The following FRMD1 variants were observed in gnomAD, a reference collection of about 807,000 sequenced individuals.
FRMD1 encodes FERM domain-containing protein 1.
A neutral mutation model predicts 54.9 loss-of-function variants in FRMD1; 51 were observed. The ratio of observed to expected loss-of-function variants is 0.93; its 90% confidence interval spans 0.74 to 1.17. The LOEUF is 1.17. Among genes scored for constraint, FRMD1 ranks in the 50% most tolerant of loss-of-function variants. FRMD1 has a pLI of 0.00. For synonymous variants in FRMD1, 324 were observed against 306.4 expected, an observed-to-expected ratio of 1.06 and a Z score of -0.60; for missense variants, 729 against 743.0, an observed-to-expected ratio of 0.98 and a Z score of 0.22.
chr6:168,085,575 C>A (rs539465980), upstream of FRMD1, among the ~76,000 whole-genome samples: 5 of 152,194 alleles, frequency 3.3e-5, no homozygotes, highest in Non-Finnish European at 7.4e-5. Flanking sequence ...CAGAGGAGGT[C>A]GGTCACTTTC....
At chr6:168,058,041 G>C (rs766013427) in intron 10 of FRMD1, among the ~76,000 whole-genome samples, 1 of 152,232 alleles carries the variant, frequency 6.6e-6, no homozygotes, top group African/African-American at 2.4e-5. Flanking sequence ...TCGGGCAGCC[G>C]TCTCCTCCAC....
In FRMD1 at chr6:168,077,289, G is replaced by GT. The variant is rs1048450609; in HGVS notation, c.213+1592_213+1593insA. Among the ~76,000 whole-genome samples the GT allele has an allele frequency of 8.6e-5, 13 of 151,602 alleles. No homozygotes were observed. In the East Asian group the frequency reaches 2.5e-3, roughly 30 times the overall value. On this transcript the variant is annotated intron_variant, in intron 1 of 10. Transcript: ENST00000283309. Reference sequence around the variant, plus strand: ...ATGTGCACACACTCCGATGGGGGGGGGTTCTTGTCTAACTGCAGACATAGA... The same window carrying GT: ...ATGTGCACACACTCCGATGGGGGGGGTGTTCTTGTCTAACTGCAGACATAGA...
At chr6:168,065,233 C>A (rs1332763933) in intron 4 of FRMD1, 176 bp from the exon 5 acceptor site, 10 of 1,384,264 alleles carry the variant, frequency 7.2e-6, no homozygotes, top group Non-Finnish European at 9.3e-6. Flanking sequence ...CGGCACAGGC[C>A]CACACTCTTC....
chr6:168,061,087 G>A (rs181511447), intron 8 of FRMD1, 30 bp from the exon 9 acceptor site: 54 of 1,586,192 alleles, frequency 3.4e-5, no homozygotes, highest in Middle Eastern at 3.6e-4. Flanking sequence ...CAGTGAGGGC[G>A]AGCTGGAGAG....
intron 1 of FRMD1, among the ~76,000 whole-genome samples, chr6:168,091,540 C>T (rs200617218): frequency 2.0e-5 from 3 of 152,220 alleles, no homozygotes; most frequent in Non-Finnish European, 4.4e-5. Flanking sequence ...TGGGCGTCCT[C>T]GCCCTACAGA....
intron 10 of FRMD1, 55 bp from the exon 11 acceptor site, chr6:168,057,394 G>T: frequency 6.3e-7 from 1 of 1,580,818 alleles, no homozygotes; most frequent in Non-Finnish European, 8.5e-7. Context: ...TCCCACCACC[G>T]CACACGGCAG....
In FRMD1 at chr6:168,068,056, A is replaced by C. The variant is rs754149420; in HGVS notation, c.305-610T>G. On this transcript the variant is annotated intron_variant, in intron 2 of 10. Transcript: ENST00000283309. Reference sequence around the variant, plus strand: ...GATCCTGGGAGTTCAAGGCTGCAGAAAGCTATGAACGTGCCACTGCACTCC... The same window carrying C: ...GATCCTGGGAGTTCAAGGCTGCAGACAGCTATGAACGTGCCACTGCACTCC... 4.0e-4 allele frequency among the ~76,000 whole-genome samples: 61 copies of C among 152,250 alleles called. No homozygotes were observed. The Middle Eastern group carries it at 0.01, about 25-fold the overall frequency.
rs1436925369 is a variant in FRMD1 at position 168,053,152 on chromosome 6, A to G, written c.*3945T>C. The stretch of plus-strand genomic sequence containing the variant: ...GATTAATAAACAATTAACCCGCGCC[A>G]TTTTCCCCACTGCGTGTTCACCTCT... On this transcript the variant is annotated 3_prime_UTR_variant, in exon 11 of 11. Coordinates refer to ENST00000283309, the MANE Select transcript of FRMD1 (RefSeq NM_024919.6). The G allele has an allele frequency of 9.8e-6, 1 of 102,216 alleles. No homozygotes were observed. The highest frequency in any genetic ancestry group is 2.1e-5 in the Non-Finnish European group (1 of 48,420). The allele number at this position is 102,216 out of a possible 1,614,324, so 6.3% of individuals were successfully genotyped here. A position where few individuals can be genotyped will look rare whatever the true frequency, so the allele number is the denominator to read the frequency against.
intron 2 of FRMD1, 77 bp downstream of exon 2, chr6:168,075,168 T>C (rs1800522705): frequency 3.5e-6 from 4 of 1,153,738 alleles, no homozygotes; most frequent in Admixed American, 1.7e-5. Context: ...TGGATGTGTG[T>C]GGTGTGCCCA....
intron 1 of FRMD1, among the ~76,000 whole-genome samples, chr6:168,076,305 C>G (rs1800590532): frequency 6.6e-6 from 1 of 152,264 alleles, no homozygotes; most frequent in African/African-American, 2.4e-5. Flanking sequence ...TTGCATGTTT[C>G]AAGTCAAATG....
chr6:168,065,223 C>T (rs951934376), intron 4 of FRMD1, 166 bp from the exon 5 acceptor site: 53 of 1,409,740 alleles, frequency 3.8e-5, no homozygotes, highest in African/African-American at 1.7e-4. Flanking sequence ...AGGGCCAGCA[C>T]GGCACAGGCC....
chr6:168,061,713 C>G, intron 8 of FRMD1, 94 bp downstream of exon 8: 1 of 1,312,518 alleles, frequency 7.6e-7, no homozygotes, highest in Non-Finnish European at 1.0e-6. Flanking sequence ...CAATAAGAGA[C>G]AGAAGGCATA....
intron 1 of FRMD1, among the ~76,000 whole-genome samples, chr6:168,086,606 C>T (rs1232122129): frequency 6.6e-6 from 1 of 151,778 alleles, no homozygotes; most frequent in Non-Finnish European, 1.5e-5. Flanking sequence ...CATGGATACC[C>T]ACATCTTCAG....
intron 2 of FRMD1, among the ~76,000 whole-genome samples, chr6:168,070,483 G>C (rs1242541747): frequency 6.6e-6 from 1 of 152,104 alleles, no homozygotes; most frequent in Non-Finnish European, 1.5e-5. Flanking sequence ...TCGGTTGGAG[G>C]ACTAACAGGG....
chr6:168,086,658 C>G (rs1030843717), intron 1 of FRMD1, among the ~76,000 whole-genome samples: 11 of 152,272 alleles, frequency 7.2e-5, no homozygotes, highest in African/African-American at 2.7e-4. Context: ...GCCCATGTTC[C>G]CACTGTGGAC....
chr6:168,061,044 G>A lies in FRMD1; in HGVS notation c.1059C>T (p.Tyr353=). 6.2e-7 allele frequency: 1 copy of A among 1,608,664 alleles called. No homozygotes were observed. The highest frequency in any genetic ancestry group is 8.5e-7 in the Non-Finnish European group (1 of 1,176,622). The change falls in exon 9 of 11, where the codon TAC becomes TAT. Residue 353 remains tyrosine, a synonymous_variant. Transcript: ENST00000283309. ...QREEAEEKQH[Y]RESYISDELE... ...GCTCATCGCTGATATAGGACTCCCG[G>A]TAGTGCTGCTTCTCTGTGGGGAGTG... is the stretch of plus-strand genomic sequence containing the variant.
At chr6:168,074,207 A>G (rs1354645976) in intron 2 of FRMD1, among the ~76,000 whole-genome samples, 1 of 152,014 alleles carries the variant, frequency 6.6e-6, no homozygotes, top group Non-Finnish European at 1.5e-5. Context: ...GGGTCTGTGG[A>G]GCCCAGGGGA....
intron 1 of FRMD1, among the ~76,000 whole-genome samples, chr6:168,091,639 G>A (rs953617264): frequency 2.6e-5 from 4 of 152,240 alleles, no homozygotes; most frequent in Non-Finnish European, 4.4e-5. Context: ...CAGCATCTGT[G>A]TATCTAGCAA....
chr6:168,060,404 G>A lies in FRMD1; in HGVS notation c.1342+357C>T, dbSNP rs551675249. Among the ~76,000 whole-genome samples the A allele has an allele frequency of 1.4e-3, 220 of 151,894 alleles. 2 individuals are homozygous for A. The highest frequency in any genetic ancestry group is 5.1e-3 in the African/African-American group (212 of 41,420). On this transcript the variant is annotated intron_variant, in intron 9 of 10. Coordinates refer to ENST00000283309, the MANE Select transcript of FRMD1 (RefSeq NM_024919.6). The stretch of plus-strand genomic sequence containing the variant: ...CTTCCTAGGGGCCAGGGGCTTCCTA[G>A]GAGTGGGAGGGGCTCCTGAGATGGG...
Sources: allele counts gnomAD v4.1 joint callset (sites outside exome capture counted in the v4.1 genomes callset), GRCh38; gene constraint gnomAD v4.1.1; transcripts MANE v1.5; gene names NCBI Gene and HGNC (gene_info 2026-07-23, HGNC 2026-07-21).